SEPTIN9: variants seen among roughly 807,000 people sequenced by gnomAD.
SEPTIN9 encodes the protein septin 9.
In SEPTIN9, 13 loss-of-function variants were observed where a neutral mutation model predicts 56.6. That is an observed-to-expected ratio of 0.23 (90% CI 0.15 to 0.37). SEPTIN9 has a LOEUF of 0.37. Among genes scored for constraint, SEPTIN9 ranks in the 10% least tolerant of loss-of-function variants. The probability of loss-of-function intolerance (pLI) is 1.00; values close to 1 mark genes in which losing one functional copy is unlikely to be tolerated. For missense variants in SEPTIN9, 650 were observed against 823.1 expected (o/e 0.79, Z 2.57); for synonymous variants, 332 against 334.1 (o/e 0.99, Z 0.07).
intron 2 of SEPTIN9, chr17:77,373,560 C>A (rs1468735807): frequency 6.5e-7 from 1 of 1,544,838 alleles, no homozygotes; most frequent in Non-Finnish European, 8.7e-7. Context: ...AAGGTGGGTG[C>A]TGGGCTGGCT....
intron 3 of SEPTIN9, among the ~76,000 whole-genome samples, chr17:77,426,269 G>A (rs1339261085): frequency 6.6e-6 from 1 of 152,042 alleles, no homozygotes; most frequent in African/African-American, 2.4e-5. Context: ...CGACAGGGTG[G>A]CCAGCGAGTC....
chr17:77,471,992 T>G (rs2039017975), intron 3 of SEPTIN9, among the ~76,000 whole-genome samples: 1 of 151,836 alleles, frequency 6.6e-6, no homozygotes, highest in Non-Finnish European at 1.5e-5. Flanking sequence ...GCACCAGAAG[T>G]CAGAGGATTC....
rs2039230500 is a variant in SEPTIN9 at position 77,476,777 on chromosome 17, C to T, written c.722-5367C>T. The stretch of plus-strand genomic sequence containing the variant: ...GGCTGCCACCCTAGAAACACCCTTG[C>T]TGCAAGAAGATGGGGGAGTTTGTCT... On this transcript the variant is annotated intron_variant, in intron 3 of 11. Transcript: ENST00000427177. This position sits in a 1 kb window ranked among gnomAD's most constrained non-coding sequence, Gnocchi z 6.0. Among the ~76,000 whole-genome samples, 1 of 152,220 alleles carries T rather than the reference C, an allele frequency of 6.6e-6. No individual in the cohort carries two copies. Among genetic ancestry groups the T allele is most frequent in the African/African-American group, 2.4e-5 (1 of 41,456 alleles).
intron 2 of SEPTIN9, chr17:77,320,249 G>T (rs2143652343): frequency 6.2e-7 from 1 of 1,611,112 alleles, no homozygotes; most frequent in South Asian, 1.1e-5. Context: ...GAGAGGGAGG[G>T]CGACGGGGGT....
At chr17:77,431,830 CA>C (rs61461406) in intron 3 of SEPTIN9, among the ~76,000 whole-genome samples, 3,971 of 55,290 alleles carry the variant, frequency 0.072, 177 homozygotes, top group African/African-American at 0.21. Context: ...AATGCTGTCT[CA>C]AAAAAAAAAA....
intron 2 of SEPTIN9, among the ~76,000 whole-genome samples, chr17:77,387,833 C>T (rs2035389369): frequency 6.6e-6 from 1 of 152,112 alleles, no homozygotes; most frequent in South Asian, 2.1e-4. Flanking sequence ...ATTCCAGAGG[C>T]TCATGAATCT....
At chr17:77,491,031 G>C (rs1239283317) in intron 8 of SEPTIN9, among the ~76,000 whole-genome samples, 172 bp downstream of exon 8, 1 of 152,166 alleles carries the variant, frequency 6.6e-6, no homozygotes, top group Non-Finnish European at 1.5e-5. Flanking sequence ...GGCTGCTGGG[G>C]GCCGTCCCTG....
intron 2 of SEPTIN9, among the ~76,000 whole-genome samples, chr17:77,347,722 T>A (rs2033932146): frequency 6.6e-6 from 1 of 152,044 alleles, no homozygotes; most frequent in South Asian, 2.1e-4. Context: ...GCGAACGTGG[T>A]ATGTATACAG....
chr17:77,352,241 C>CAA (rs57045175), intron 2 of SEPTIN9, among the ~76,000 whole-genome samples: 12 of 136,706 alleles, frequency 8.8e-5, no homozygotes, highest in African/African-American at 2.9e-4. Flanking sequence ...ACTAAAAATA[C>CAA]AAAAAAAAAA....
At chr17:77,287,780 C>G (rs2031344612) in intron 1 of SEPTIN9, 6 of 701,334 alleles carry the variant, frequency 8.6e-6, no homozygotes, top group Admixed American at 6.1e-5. Context: ...AGCTTTGTTC[C>G]CAGCCTAATC....
chr17:77,306,428 G>A (rs2032267900), intron 1 of SEPTIN9, among the ~76,000 whole-genome samples: 1 of 152,178 alleles, frequency 6.6e-6, no homozygotes, highest in Non-Finnish European at 1.5e-5. Context: ...GCTTGGCTTA[G>A]CACCTCAGCA....
intron 4 of SEPTIN9, among the ~76,000 whole-genome samples, chr17:77,485,067 T>A (rs1345357550): frequency 2.2e-4 from 1 of 4,636 alleles, no homozygotes; most frequent in Admixed American, 2.5e-3. Context: ...GTGGTGGTAA[T>A]GGTGATGGTG....
At chr17:77,417,897 C>T (rs1164260589) in intron 3 of SEPTIN9, among the ~76,000 whole-genome samples, 2 of 152,212 alleles carry the variant, frequency 1.3e-5, no homozygotes, top group African/African-American at 2.4e-5. Context: ...ACCTGCTGCA[C>T]AGGCGTTGGT....
chr17:77,420,946 C>T (rs973180031), intron 3 of SEPTIN9, among the ~76,000 whole-genome samples: 2 of 152,230 alleles, frequency 1.3e-5, no homozygotes, highest in African/African-American at 4.8e-5. Context: ...GAAATCAAGG[C>T]GCAGAGAGCT....
chr17:77,359,461 G>A (rs1430001087), intron 2 of SEPTIN9, among the ~76,000 whole-genome samples: 2 of 152,198 alleles, frequency 1.3e-5, no homozygotes, highest in African/African-American at 4.8e-5. Context: ...AAGTGCTACT[G>A]CTCTTTCATC....
rs147023182 is a variant in SEPTIN9 at position 77,310,024 on chromosome 17, G to A, written c.76+2827G>A. ...GATAGAGTCTCGCTCTATCGCCCAG[G>A]CTGGAGTGCAGTGGCACCATCTCGG... On this transcript the variant is annotated intron_variant, in intron 2 of 11. Coordinates refer to ENST00000427177, the MANE Select transcript of SEPTIN9 (RefSeq NM_001113491.2). The surrounding 1 kb of genome is among the most constrained non-coding windows in gnomAD (Gnocchi z 4.7). Among the ~76,000 whole-genome samples, 905 of 151,984 alleles carry A rather than the reference G, an allele frequency of 6.0e-3. 9 individuals carry two copies. The highest frequency in any genetic ancestry group is 0.021 in the African/African-American group (862 of 41,426).
intron 1 of SEPTIN9, among the ~76,000 whole-genome samples, chr17:77,289,703 C>T (rs2031452002): frequency 1.3e-5 from 2 of 152,124 alleles, no homozygotes; most frequent in African/African-American, 2.4e-5. Context: ...CCACCGCACC[C>T]GGCCTATGCT....
Position 77,339,668 on chromosome 17 carries a change from C to T in SEPTIN9, c.76+32471C>T, listed in dbSNP as rs144688111. 1.7e-3 allele frequency among the ~76,000 whole-genome samples: 257 copies of T among 152,076 alleles called. 1 individual carries two copies. Among genetic ancestry groups the T allele is most frequent in the African/African-American group, 6.1e-3 (253 of 41,448 alleles). ...GGGATTACAGGCACACACCACCATG[C>T]TTGGCTAGTTTTTGTATTTTTTGTA... is the stretch of plus-strand genomic sequence containing the variant. On this transcript the variant is annotated intron_variant, in intron 2 of 11. Transcript: ENST00000427177.
intron 3 of SEPTIN9, chr17:77,466,488 G>A (rs932676991): frequency 2.0e-6 from 2 of 985,382 alleles, no homozygotes; most frequent in Non-Finnish European, 1.2e-6. Flanking sequence ...GAGCGTGAGC[G>A]AGCCAGGGGT....
Sources: gnomAD v4.1 joint callset for allele counts (sites outside exome capture counted in the v4.1 genomes callset) on GRCh38, gnomAD v4.1.1 for gene constraint, Gnocchi (gnomAD v3.1) non-coding constraint, MANE v1.5 for transcripts, NCBI Gene and HGNC (gene_info 2026-07-23, HGNC 2026-07-21) for gene names.